DNAI4: variants seen among roughly 807,000 people sequenced by gnomAD.
DNAI4 encodes the protein dynein axonemal intermediate chain 4, also known as WD repeat domain 78.
In DNAI4, 85 loss-of-function variants were observed where a neutral mutation model predicts 105.8. That is an observed-to-expected ratio of 0.80 (90% confidence interval 0.67 to 0.96). The LOEUF is 0.96. Among genes scored for constraint, DNAI4 ranks in the 40% least tolerant of loss-of-function variants. The pLI, the probability that DNAI4 is intolerant of heterozygous loss-of-function variation, is 0.00. For synonymous variants in DNAI4, 352 were observed against 331.5 expected, an observed-to-expected ratio of 1.06 and a Z score of -0.67; for missense variants, 1,014 against 1,005.6, an observed-to-expected ratio of 1.01 and a Z score of -0.11.
intron 4 of DNAI4, among the ~76,000 whole-genome samples, chr1:66,876,489 G>A (rs1332790654): frequency 1.3e-5 from 2 of 151,978 alleles, no homozygotes; most frequent in South Asian, 2.1e-4. Context: ...CAGTTATTAC[G>A]GTTGGGAAAA....
intron 8 of DNAI4, among the ~76,000 whole-genome samples, chr1:66,846,991 A>G (rs570441701): frequency 8.9e-4 from 136 of 152,364 alleles, no homozygotes; most frequent in Middle Eastern, 3.4e-3. Context: ...GAACTTAGAA[A>G]GTAACAATGA....
Position 66,813,940 on chromosome 1 carries a change from G to A in DNAI4, c.*190C>T. ...AAGAAAATTCCACTGAAACTCTTAAGAATAACTCTTAGATTGTAAACTAAT... is the reference window on the plus strand; with the variant it reads ...AAGAAAATTCCACTGAAACTCTTAAAAATAACTCTTAGATTGTAAACTAAT... On this transcript the variant is annotated 3_prime_UTR_variant, in exon 17 of 17. Transcript: ENST00000371026. The A allele has an allele frequency of 2.1e-6, 1 of 481,282 alleles. No individual in the cohort carries two copies. The highest frequency in any genetic ancestry group is 3.6e-6 in the Non-Finnish European group (1 of 278,518). The allele number at this position is 481,282 out of a possible 1,614,324, so 29.8% of individuals were successfully genotyped here. A position where few individuals can be genotyped will look rare whatever the true frequency, so the allele number is the denominator to read the frequency against.
chr1:66,922,441 C>A (rs1650560108), intron 1 of DNAI4, among the ~76,000 whole-genome samples: 1 of 152,110 alleles, frequency 6.6e-6, no homozygotes, highest in African/African-American at 2.4e-5. Flanking sequence ...TGTTGTGGGA[C>A]AACGTGGGAT....
At chr1:66,916,776 A>C (rs945667253) in intron 1 of DNAI4, among the ~76,000 whole-genome samples, 1 of 152,184 alleles carries the variant, frequency 6.6e-6, no homozygotes, top group African/African-American at 2.4e-5. Flanking sequence ...GTCAAAATTA[A>C]AATTTTATAG....
rs754224443 is a variant in DNAI4, at chr1:66,812,982, T to C, written c.*1148A>G. 1.3e-5 allele frequency: 2 copies of C among 152,292 alleles called. No individual in the cohort carries two copies. Among genetic ancestry groups the C allele is most frequent in the Non-Finnish European group, 2.9e-5 (2 of 68,014 alleles). 9.4% of individuals were successfully genotyped at this position (152,292 alleles called of 1,614,324 possible). ...AAAAACAAAGATAATCACAATGACA[T>C]ACCAGTGGAAAATTTATAATCCTAA... On this transcript the variant is annotated 3_prime_UTR_variant, in exon 17 of 17. Transcript: ENST00000371026.
chr1:66,902,163 C>T (rs1319447840), intron 2 of DNAI4, among the ~76,000 whole-genome samples: 2 of 152,110 alleles, frequency 1.3e-5, no homozygotes, highest in African/African-American at 2.4e-5. Context: ...GTGGCCACAC[C>T]ATTTCACAAT....
intron 7 of DNAI4, 149 bp from the exon 8 acceptor site, chr1:66,847,827 A>G: frequency 1.6e-6 from 1 of 634,712 alleles, no homozygotes; most frequent in Non-Finnish European, 2.6e-6. Flanking sequence ...TATCTTACGT[A>G]CCAAGCACAT....
chr1:66,828,301 T>C (rs965190648), intron 13 of DNAI4: 3 of 152,890 alleles, frequency 2.0e-5, no homozygotes, highest in Non-Finnish European at 4.4e-5. Flanking sequence ...AAGACAGATA[T>C]ACACTTTCAA....
At position 66,892,999 on chromosome 1, in the gene DNAI4, G is replaced by GAA. The variant is rs747069069; in HGVS notation, c.530+229_530+230insTT. On this transcript the variant is annotated intron_variant, in intron 3 of 16. Coordinates refer to ENST00000371026, the MANE Select transcript of DNAI4 (RefSeq NM_024763.5). Reference sequence around the variant, plus strand: ...AAAGAAAGAAAGAAAGAAAGAAAGAGAGAAAGAGAGAGAGGAAAGAAAGAA... The same window carrying GAA: ...AAAGAAAGAAAGAAAGAAAGAAAGAGAAAGAAAGAGAGAGAGGAAAGAAAGAA... Among the ~76,000 whole-genome samples, 233 of 70,248 alleles carry GAA rather than the reference G, an allele frequency of 3.3e-3. 7 individuals carry two copies. The highest frequency in any genetic ancestry group is 0.012 in the African/African-American group (203 of 16,322). The allele number at this position is 70,248 out of a possible 152,430, so 46.1% of individuals were successfully genotyped here.
intron 1 of DNAI4, among the ~76,000 whole-genome samples, chr1:66,905,946 C>T (rs4570393): frequency 0.7 from 91,414 of 130,590 alleles, 31,732 homozygotes; most frequent in East Asian, 0.87. Flanking sequence ...TTTTTTGAGA[C>T]GGAGTCTCGC....
chr1:66,830,612 A>G (rs1158945234), intron 13 of DNAI4, among the ~76,000 whole-genome samples: 1 of 151,916 alleles, frequency 6.6e-6, no homozygotes, highest in Non-Finnish European at 1.5e-5. Context: ...CCCTGTCCCT[A>G]CTAAAAAAAA....
At chr1:66,821,208 C>T (rs549615038) in intron 16 of DNAI4, among the ~76,000 whole-genome samples, 11 of 147,650 alleles carry the variant, frequency 7.5e-5, no homozygotes, top group African/African-American at 2.8e-4. Flanking sequence ...AAACGATTCT[C>T]GTGCCTCAGC....
Position 66,842,017 on chromosome 1 carries a change from TACTG to T in DNAI4, c.1292-1350_1292-1347del, listed in dbSNP as rs1367921429. On this transcript the variant is annotated intron_variant, in intron 8 of 16. Coordinates refer to ENST00000371026, the MANE Select transcript of DNAI4 (RefSeq NM_024763.5). Reference sequence around the variant, plus strand: ...TCTCTGGTCCCTCGTCCCTGGAAACTACTGACTATTTTACTGTCTCCATATTTTG... The same window carrying T: ...TCTCTGGTCCCTCGTCCCTGGAAACTACTATTTTACTGTCTCCATATTTTG... 3.9e-5 allele frequency among the ~76,000 whole-genome samples: 6 copies of T among 152,350 alleles called. No homozygotes were observed. In the South Asian group the frequency reaches 1.2e-3, roughly 32 times the overall value.
At position 66,835,698 on chromosome 1, in the gene DNAI4, A is replaced by G. The variant is rs746108272; in HGVS notation, c.1661T>C (p.Val554Ala). 1 of 1,613,988 alleles carries G rather than the reference A, an allele frequency of 6.2e-7. No individual in the cohort carries two copies. The highest frequency in any genetic ancestry group is 8.5e-7 in the Non-Finnish European group (1 of 1,179,842). ...TGCAATTGTGCCATTGTGATAGCCA[A>G]CGGCTAAAAGGTTAGGTGCTCCAAT... ...FSIGAPNLLA[V>A]GYHNGTIAIY... The change falls in exon 11 of 17, where the codon GTT (valine) becomes GCT (alanine). Residue 554 changes from valine (V) to alanine (A), a missense_variant. By Grantham distance (64) the Val-to-Ala change is moderately conservative (BLOSUM62 0). Coordinates refer to ENST00000371026, the MANE Select transcript of DNAI4 (RefSeq NM_024763.5).
intron 7 of DNAI4, chr1:66,848,180 G>A (rs2100531050): frequency 4.4e-6 from 2 of 456,112 alleles, no homozygotes; most frequent in South Asian, 3.1e-5. Context: ...AGGTTTTAAA[G>A]GAGAATTTGT....
At chr1:66,873,204 C>G (rs1646886078) in intron 5 of DNAI4, among the ~76,000 whole-genome samples, 2 of 150,916 alleles carry the variant, frequency 1.3e-5, no homozygotes, top group South Asian at 2.1e-4. Flanking sequence ...CCCTCTCCCT[C>G]TCCTTCTCCC....
chr1:66,893,063 G>GAGAGAGAGAAAGAA (rs879150798), intron 3 of DNAI4, among the ~76,000 whole-genome samples, 166 bp downstream of exon 3: 4 of 89,540 alleles, frequency 4.5e-5, no homozygotes, highest in African/African-American at 2.0e-4. Flanking sequence ...AAGAGAGAGA[G>GAGAGAGAGAAAGAA]AGAAAGAAAG....
chr1:66,892,941 GAAGAAAGAGAAGAAAGAAAGA>G (rs1456203627), intron 3 of DNAI4, among the ~76,000 whole-genome samples: 1 of 85,412 alleles, frequency 1.2e-5, no homozygotes, highest in African/African-American at 4.9e-5. Flanking sequence ...AGAAGAAAGA[GAAGAAAGAGAAGAAAGAAAGA>G]AAGAAAGAAA....
chr1:66,910,075 CA>C (rs1649543018), intron 1 of DNAI4, among the ~76,000 whole-genome samples: 2 of 152,096 alleles, frequency 1.3e-5, no homozygotes, highest in East Asian at 3.9e-4. Context: ...GGGTTGGGCA[CA>C]GTGACTTATG....
Sources: allele counts gnomAD v4.1 joint callset (sites outside exome capture counted in the v4.1 genomes callset), GRCh38; gene constraint gnomAD v4.1.1; transcripts MANE v1.5; gene names NCBI Gene and HGNC (gene_info 2026-07-23, HGNC 2026-07-21).